Variants in CACNA1C observed in about 807,000 individuals in gnomAD.
CACNA1C encodes calcium voltage-gated channel subunit alpha1 C.
Under a neutral mutation model 229.0 loss-of-function variants are expected in CACNA1C, and 30 were observed. The ratio of observed to expected loss-of-function variants is 0.13; its 90% CI spans 0.10 to 0.18. The LOEUF is 0.18. CACNA1C is among the 10% of genes least tolerant of loss of function. CACNA1C has a pLI of 1.00. For missense variants in CACNA1C, 1,658 were observed against 2,845.0 expected, an observed-to-expected ratio of 0.58 and a Z score of 9.49; for synonymous variants, 1,114 against 1,132.5, an observed-to-expected ratio of 0.98 and a Z score of 0.33.
At chr12:2,502,509 G>T (rs989349329) in intron 7 of CACNA1C, among the ~76,000 whole-genome samples, 1 of 152,230 alleles carries the variant, frequency 6.6e-6, no homozygotes, top group Non-Finnish European at 1.5e-5. Flanking sequence ...ACGTTCAATT[G>T]AATTTCACGA....
At position 2,664,914 on chromosome 12, in the gene CACNA1C, C is replaced by T. The variant is rs727503835; in HGVS notation, c.4322C>T (p.Thr1441Met). 2.1e-5 allele frequency: 34 copies of T among 1,613,832 alleles called. No homozygotes were observed. The highest frequency in any genetic ancestry group is 1.4e-5 in the Non-Finnish European group (16 of 1,179,870). The change falls in exon 35 of 47, where the codon ACG becomes ATG. Residue 1441 changes from threonine to methionine, a missense_variant. Thr to Met is a moderately conservative substitution (Grantham distance 81, BLOSUM62 -1). This residue lies in a region of CACNA1C where 151 missense variants were observed against 344.4 expected (regional missense o/e 0.44). Transcript: ENST00000399655. ...CCAGAGTCCGAGCCCAGCAACAGCA[C>T]GGAGGGTGAAACACCCTGTGGTAGC... ...CAPESEPSNS[T>M]EGETPCGSSF... is the part of the protein sequence containing the mutation.
intron 3 of CACNA1C, among the ~76,000 whole-genome samples, chr12:2,448,488 C>G (rs2099321301): frequency 6.6e-6 from 1 of 152,122 alleles, no homozygotes; most frequent in East Asian, 1.9e-4. Context: ...TTTGCTCTGT[C>G]TTTTGGAGGA....
At chr12:2,368,680 C>A (rs975327047) in intron 3 of CACNA1C, among the ~76,000 whole-genome samples, 40 of 152,254 alleles carry the variant, frequency 2.6e-4, no homozygotes, top group African/African-American at 9.1e-4. Context: ...TCTGAAGATG[C>A]CAAATCTTTC....
At chr12:2,171,963 G>C (rs2096498578) in intron 3 of CACNA1C, among the ~76,000 whole-genome samples, 1 of 152,190 alleles carries the variant, frequency 6.6e-6, no homozygotes, top group Non-Finnish European at 1.5e-5. Context: ...CCAGTATGCA[G>C]ATGACCACAG....
intron 3 of CACNA1C, among the ~76,000 whole-genome samples, chr12:2,223,762 GA>G (rs1331300492): frequency 6.6e-6 from 1 of 152,162 alleles, no homozygotes; most frequent in Non-Finnish European, 1.5e-5. Context: ...ACATTAGAAT[GA>G]AAATGTTATA....
intron 9 of CACNA1C, among the ~76,000 whole-genome samples, chr12:2,534,341 C>T (rs2099848131): frequency 6.6e-6 from 1 of 152,078 alleles, no homozygotes; most frequent in African/African-American, 2.4e-5. Context: ...TGCCAAGGGC[C>T]CTGGGAGCCA....
At chr12:2,232,983 C>T (rs1213529856) in intron 3 of CACNA1C, among the ~76,000 whole-genome samples, 1 of 152,190 alleles carries the variant, frequency 6.6e-6, no homozygotes, top group Non-Finnish European at 1.5e-5. Flanking sequence ...ATTCCAGGCA[C>T]ATCTTTTATT....
intron 9 of CACNA1C, among the ~76,000 whole-genome samples, chr12:2,528,099 C>G (rs61909405): frequency 1.3e-5 from 2 of 152,140 alleles, no homozygotes; most frequent in Non-Finnish European, 2.9e-5. Context: ...CCTCATGTTC[C>G]TCTCCCAACA....
intron 1 of CACNA1C, among the ~76,000 whole-genome samples, chr12:2,024,877 T>G (rs1225605415): frequency 6.6e-6 from 1 of 152,216 alleles, no homozygotes; most frequent in Non-Finnish European, 1.5e-5. Context: ...AAGGAGCTGG[T>G]GCAGACCCTC....
chr12:2,656,827 G>A (rs1400431400), intron 34 of CACNA1C, among the ~76,000 whole-genome samples: 1 of 152,174 alleles, frequency 6.6e-6, no homozygotes, highest in Admixed American at 6.5e-5. Flanking sequence ...ACACACAGTG[G>A]AGAAAGAACA....
chr12:2,607,014 G>A lies in CACNA1C; in HGVS notation c.3240G>A (p.Glu1080=), dbSNP rs1555882488. The A allele has an allele frequency of 2.5e-6, 4 of 1,613,982 alleles. No individual in the cohort carries two copies. Among genetic ancestry groups the A allele is most frequent in the Non-Finnish European group, 3.4e-6 (4 of 1,179,888 alleles). The part of the protein sequence containing the change: ...KGNYITYKDG[E]VDHPIIQPRS... ...ACTACATCACGTACAAAGACGGGGA[G>A]GTTGACCACCCCATCATCCAACCCC... The change falls in exon 26 of 47, where the codon GAG becomes GAA. Residue 1080 remains glutamate (E), a synonymous_variant. Transcript: ENST00000399655.
chr12:2,388,387 CAT>C (rs372728608), intron 3 of CACNA1C, among the ~76,000 whole-genome samples: 3 of 152,346 alleles, frequency 2.0e-5, no homozygotes, highest in African/African-American at 7.2e-5. Context: ...GTAAGCACTT[CAT>C]AGTGTATACC....
At chr12:2,690,846 G>C in intron 46 of CACNA1C, 54 bp from the exon 47 acceptor site, 1 of 1,467,236 alleles carries the variant, frequency 6.8e-7, no homozygotes, top group Non-Finnish European at 9.1e-7. Flanking sequence ...GAAGAGCTGG[G>C]CTCCAGGAGT....
intron 3 of CACNA1C, among the ~76,000 whole-genome samples, chr12:2,282,553 A>T: frequency 6.6e-6 from 1 of 152,166 alleles, no homozygotes; most frequent in East Asian, 1.9e-4. Context: ...TGACCTTAGG[A>T]GGAGGTCACC....
At chr12:2,562,161 C>T (rs920771657) in intron 11 of CACNA1C, among the ~76,000 whole-genome samples, 1 of 151,720 alleles carries the variant, frequency 6.6e-6, no homozygotes, top group Non-Finnish European at 1.5e-5. Context: ...CTGTCCACTC[C>T]GGCCACTCCT....
At chr12:2,669,752 G>C (rs1366681357) in intron 38 of CACNA1C, among the ~76,000 whole-genome samples, 1 of 152,208 alleles carries the variant, frequency 6.6e-6, no homozygotes, top group African/African-American at 2.4e-5. Flanking sequence ...CTGGCTTAAG[G>C]CTCTTAGCCA....
At chr12:2,459,882 G>T (rs2099487828) in intron 5 of CACNA1C, among the ~76,000 whole-genome samples, 1 of 152,190 alleles carries the variant, frequency 6.6e-6, no homozygotes, top group African/African-American at 2.4e-5. Context: ...TTTATTAGGG[G>T]TATTAGGACG....
At chr12:2,621,502 T>A (rs929350408) in intron 29 of CACNA1C, among the ~76,000 whole-genome samples, 2 of 152,176 alleles carry the variant, frequency 1.3e-5, no homozygotes, top group South Asian at 2.1e-4. Flanking sequence ...CCTCTGACTG[T>A]CCTTGGAAAC....
At chr12:2,518,735 A>G (rs2099803525) in intron 9 of CACNA1C, among the ~76,000 whole-genome samples, 1 of 152,124 alleles carries the variant, frequency 6.6e-6, no homozygotes, top group Non-Finnish European at 1.5e-5. Flanking sequence ...AGATTACATG[A>G]GAAGACATGC....
Sources: allele counts gnomAD v4.1 joint callset (sites outside exome capture counted in the v4.1 genomes callset), GRCh38; gene constraint gnomAD v4.1.1; regional missense constraint gnomAD v4.1.1; transcripts MANE v1.5; gene names NCBI Gene and HGNC (gene_info 2026-07-23, HGNC 2026-07-21).